HEATR5A: variants seen among roughly 807,000 people sequenced by gnomAD.
HEATR5A encodes HEAT repeat-containing protein 5A.
A neutral mutation model predicts 218.8 loss-of-function variants in HEATR5A; 178 were observed. The ratio of observed to expected loss-of-function variants is 0.81; its 90% CI spans 0.72 to 0.92. HEATR5A has a LOEUF of 0.92. HEATR5A is among the 40% of genes least tolerant of loss of function. The pLI is 0.00. For missense variants in HEATR5A, 2,420 were observed against 2,418.9 expected (o/e 1.00, Z -0.01); for synonymous variants, 864 against 871.6 (o/e 0.99, Z 0.15).
intron 14 of HEATR5A, 54 bp downstream of exon 14, chr14:31,364,135 T>A: frequency 2.8e-6 from 2 of 709,114 alleles, no homozygotes; most frequent in Non-Finnish European, 4.7e-6. Flanking sequence ...TAACTATTGT[T>A]CCAGAAACCA....
chr14:31,297,623 T>C (rs1198816494), intron 33 of HEATR5A: 1 of 152,246 alleles, frequency 6.6e-6, no homozygotes, highest in Non-Finnish European at 1.5e-5. Context: ...CAAAATTTTA[T>C]GGATGAATAG....
intron 29 of HEATR5A, 56 bp from the exon 30 acceptor site, chr14:31,308,076 TTAAG>T (rs1387364682): frequency 4.8e-6 from 7 of 1,459,598 alleles, no homozygotes; most frequent in Non-Finnish European, 5.5e-6. Flanking sequence ...GTTTATGAAA[TTAAG>T]TAATTAATCT....
intron 20 of HEATR5A, among the ~76,000 whole-genome samples, chr14:31,344,268 C>CTTATTTTTTTTTTTT (rs1900942273): frequency 2.0e-5 from 1 of 50,812 alleles, no homozygotes; most frequent in Non-Finnish European, 3.7e-5. Flanking sequence ...ATTAGTTATT[C>CTTATTTTTTTTTTTT]TTTTTTTTTT....
At position 31,388,883 on chromosome 14, in the gene HEATR5A, T is replaced by C; in HGVS notation, c.895A>G (p.Ser299Gly). The C allele has an allele frequency of 6.2e-7, 1 of 1,613,908 alleles. No homozygotes were observed. The highest frequency in any genetic ancestry group is 8.5e-7 in the Non-Finnish European group (1 of 1,179,832). The part of the protein sequence containing the change: ...RASGDMLKGT[S>G]SVSRDVRVGV... ...ACTCGAACATCCCTACTGACTGAAC[T>C]GGTTCCTTTCAGCATATCTCCACTG... The change falls in exon 7 of 36, where the codon AGT (serine) becomes GGT (glycine). Residue 299 changes from serine (S) to glycine (G), a missense_variant. By Grantham distance (56) the Ser-to-Gly change is moderately conservative. Coordinates refer to ENST00000543095, the MANE Select transcript of HEATR5A (RefSeq NM_015473.4).
At chr14:31,379,781 C>G (rs2029908639) in intron 11 of HEATR5A, among the ~76,000 whole-genome samples, 1 of 152,030 alleles carries the variant, frequency 6.6e-6, no homozygotes. Context: ...TAGTGAGACC[C>G]CATCTCTACA....
At chr14:31,324,587 T>G (rs1423022155) in intron 23 of HEATR5A, among the ~76,000 whole-genome samples, 3 of 151,616 alleles carry the variant, frequency 2.0e-5, no homozygotes, top group Admixed American at 2.0e-4. Context: ...AATGGCAAGA[T>G]AAAATTGAGC....
In HEATR5A at chr14:31,400,428, G is replaced by T. The variant is rs1387009629; in HGVS notation, c.211C>A (p.Leu71Met). 6.5e-7 allele frequency: 1 copy of T among 1,535,854 alleles called. No individual in the cohort carries two copies. The highest frequency in any genetic ancestry group is 8.7e-7 in the Non-Finnish European group (1 of 1,146,852). The change falls in exon 3 of 36, where the codon CTG (leucine) becomes ATG (methionine). Residue 71 changes from leucine to methionine, a missense_variant. Physicochemically the swap from Leu to Met is conservative, Grantham distance 15. Coordinates refer to ENST00000543095, the MANE Select transcript of HEATR5A (RefSeq NM_015473.4). ...NSSPGPPTRKLLAKNLAILYS... is the reference protein window; with the variant it reads ...NSSPGPPTRKMLAKNLAILYS... ...AGTATGGCTAGATTCTTAGCAAGCAGTTTGCGGGTAGGAGGCCCTGGGGAG... is the reference window on the plus strand; with the variant it reads ...AGTATGGCTAGATTCTTAGCAAGCATTTTGCGGGTAGGAGGCCCTGGGGAG...
chr14:31,324,393 C>T (rs1048329165), intron 23 of HEATR5A, among the ~76,000 whole-genome samples: 1 of 152,168 alleles, frequency 6.6e-6, no homozygotes, highest in Non-Finnish European at 1.5e-5. Flanking sequence ...TGTTTAACAA[C>T]TGAAAATGGA....
At chr14:31,359,801 C>T (rs1177532546) in intron 14 of HEATR5A, among the ~76,000 whole-genome samples, 1 of 135,372 alleles carries the variant, frequency 7.4e-6, no homozygotes, top group Non-Finnish European at 1.6e-5. Flanking sequence ...AAATTTCAAA[C>T]ATAAATAAAT....
rs1902163750 is a variant in HEATR5A, at chr14:31,374,688, T to G, written c.1861+128A>C. The G allele has an allele frequency of 3.7e-6, 3 of 819,484 alleles. No individual in the cohort carries two copies. In the South Asian group the frequency reaches 6.5e-5, roughly 18 times the overall value. The allele number at this position is 819,484 out of a possible 1,614,324, so 50.8% of individuals were successfully genotyped here. A position where few individuals can be genotyped will look rare whatever the true frequency, so the allele number is the denominator to read the frequency against. ...ATCGGTTATAATTTTTTTGTTCAGT[T>G]ACAAAAAAAAATCATTAGTGGCATA... On this transcript the variant is annotated intron_variant, in intron 12 of 35. Coordinates refer to ENST00000543095, the MANE Select transcript of HEATR5A (RefSeq NM_015473.4).
chr14:31,300,965 A>G (rs1010763302), intron 33 of HEATR5A, among the ~76,000 whole-genome samples: 45 of 152,196 alleles, frequency 3.0e-4, no homozygotes, highest in African/African-American at 1.7e-4. Context: ...TTAAGACATT[A>G]CTATTGCCTT....
At chr14:31,404,892 G>C (rs1017371160) in intron 1 of HEATR5A, among the ~76,000 whole-genome samples, 14 of 150,932 alleles carry the variant, frequency 9.3e-5, no homozygotes, top group Non-Finnish European at 1.8e-4. Context: ...CCAGCCTGGT[G>C]AAGAGTGAGA....
intron 19 of HEATR5A, among the ~76,000 whole-genome samples, chr14:31,347,008 T>C (rs1901044172): frequency 6.6e-6 from 1 of 152,202 alleles, no homozygotes; most frequent in Non-Finnish European, 1.5e-5. Flanking sequence ...CTTGATCTGA[T>C]TCCATGATTT....
chr14:31,342,013 C>T (rs1900856159), intron 21 of HEATR5A, among the ~76,000 whole-genome samples: 2 of 151,996 alleles, frequency 1.3e-5, no homozygotes, highest in African/African-American at 4.8e-5. Flanking sequence ...GTGCTGTTTT[C>T]CCTAATACAT....
chr14:31,297,559 TGAG>T (rs1209311442), intron 33 of HEATR5A: 1 of 152,176 alleles, frequency 6.6e-6, no homozygotes, highest in Non-Finnish European at 1.5e-5. Flanking sequence ...GAGAAAGCCT[TGAG>T]GAGATAATAC....
intron 25 of HEATR5A, among the ~76,000 whole-genome samples, chr14:31,321,164 G>T (rs1900088818): frequency 6.6e-6 from 1 of 150,410 alleles, no homozygotes; most frequent in African/African-American, 2.5e-5. Flanking sequence ...GACAGTTTCA[G>T]ACTTTTTTTT....
chr14:31,306,707 C>T, intron 31 of HEATR5A, 25 bp downstream of exon 31: 2 of 1,587,540 alleles, frequency 1.3e-6, no homozygotes, highest in Non-Finnish European at 1.7e-6. Context: ...ATTTGATCAA[C>T]TCGGCATTAA....
At chr14:31,383,396 T>C in intron 10 of HEATR5A, 125 bp downstream of exon 10, 1 of 842,094 alleles carries the variant, frequency 1.2e-6, no homozygotes. Context: ...AAATTGTAAA[T>C]GTACTTATAT....
At chr14:31,346,467 G>A (rs1901025881) in intron 19 of HEATR5A, among the ~76,000 whole-genome samples, 1 of 152,064 alleles carries the variant, frequency 6.6e-6, no homozygotes, top group Non-Finnish European at 1.5e-5. Context: ...TGAGATGGTG[G>A]TTATACTGGA....
Sources: allele counts gnomAD v4.1 joint callset (sites outside exome capture counted in the v4.1 genomes callset), GRCh38; gene constraint gnomAD v4.1.1; transcripts MANE v1.5; gene names NCBI Gene and HGNC (gene_info 2026-07-23, HGNC 2026-07-21).